Variants in UQCC1 observed in about 807,000 individuals in gnomAD.
UQCC1 encodes the protein ubiquinol-cytochrome c reductase complex assembly factor 1.
In UQCC1, 38 loss-of-function variants were observed where a neutral mutation model predicts 48.0. The observed-to-expected ratio is 0.79, with a 90% CI of 0.61 to 1.04. The LOEUF (loss-of-function observed/expected upper bound fraction) is 1.04. Among genes scored for constraint, UQCC1 ranks in the 50% least tolerant of loss-of-function variants. The pLI, the probability that UQCC1 is intolerant of heterozygous loss-of-function variation, is 0.00. For synonymous variants in UQCC1, 111 were observed against 129.2 expected (o/e 0.86, Z 0.95); for missense variants, 368 against 381.8 (o/e 0.96, Z 0.30).
intron 2 of UQCC1, among the ~76,000 whole-genome samples, chr20:35,388,959 G>A (rs756877331): frequency 5.1e-4 from 77 of 151,918 alleles, no homozygotes; most frequent in Non-Finnish European, 9.6e-4. Context: ...CCAGCTACTC[G>A]GGAGGCTGAG....
chr20:35,362,574 G>C (rs925129774), intron 6 of UQCC1, among the ~76,000 whole-genome samples: 11 of 152,042 alleles, frequency 7.2e-5, no homozygotes, highest in Non-Finnish European at 1.5e-4. Flanking sequence ...GGCCAAGCTG[G>C]TCTTGAACTC....
At chr20:35,402,822 T>C (rs1052496073) in intron 1 of UQCC1, among the ~76,000 whole-genome samples, 1 of 149,926 alleles carries the variant, frequency 6.7e-6, no homozygotes, top group Non-Finnish European at 1.5e-5. Context: ...CTCCAGTACT[T>C]TGGGAGGCCG....
rs142770442 is a variant in UQCC1 at position 35,411,955 on chromosome 20, C to T, written c.9G>A (p.Leu3=). Residue 3 remains leucine, a synonymous_variant, in exon 1 of 10, where the codon TTG becomes TTA. Transcript: ENST00000374385. ...CTTCACTCACAAGGACTCGCACCAG[C>T]AACGCCATGTTCCTCAATAACCATT... MA[L]LVRVLRNQTS... is the part of the protein sequence containing the mutation. 5.6e-6 allele frequency: 9 copies of T among 1,614,250 alleles called. No individual in the cohort carries two copies. The Admixed American group carries it at 1.5e-4, about 27-fold the overall frequency.
intron 1 of UQCC1, among the ~76,000 whole-genome samples, chr20:35,396,648 G>A (rs1443826627): frequency 6.6e-6 from 1 of 152,132 alleles, no homozygotes; most frequent in African/African-American, 2.4e-5. Context: ...GAGATTAAAT[G>A]GCTGTTCAAG....
At chr20:35,316,564 C>T (rs1401060352) in intron 7 of UQCC1, among the ~76,000 whole-genome samples, 1 of 152,186 alleles carries the variant, frequency 6.6e-6, no homozygotes, top group Non-Finnish European at 1.5e-5. Flanking sequence ...TGGATTTAGA[C>T]TCAGAAAACC....
At chr20:35,385,885 A>G (rs1287266896) in intron 2 of UQCC1, among the ~76,000 whole-genome samples, 1 of 151,216 alleles carries the variant, frequency 6.6e-6, no homozygotes, top group East Asian at 1.9e-4. Context: ...GCTCATAGCA[A>G]AACTTCCTGG....
chr20:35,342,235 T>C (rs185799937), intron 7 of UQCC1, among the ~76,000 whole-genome samples: 1 of 152,270 alleles, frequency 6.6e-6, no homozygotes, highest in Admixed American at 6.5e-5. Flanking sequence ...CCCACTCCCA[T>C]CCCTTCCCAT....
chr20:35,304,680 G>A (rs2060909351), intron 9 of UQCC1: 1 of 153,714 alleles, frequency 6.5e-6, no homozygotes, highest in Non-Finnish European at 1.4e-5. Context: ...TGGTCAGTGG[G>A]CCCCAGTATC....
At chr20:35,345,762 G>A (rs1293729693) in intron 7 of UQCC1, 1 of 152,098 alleles carries the variant, frequency 6.6e-6, no homozygotes. Context: ...TCTATTCTAT[G>A]AGCATATGTA....
intron 7 of UQCC1, among the ~76,000 whole-genome samples, chr20:35,326,969 C>T (rs2061201867): frequency 6.6e-6 from 1 of 152,162 alleles, no homozygotes; most frequent in African/African-American, 2.4e-5. Context: ...TGCTGAGGCC[C>T]TGAACAACCT....
intron 8 of UQCC1, among the ~76,000 whole-genome samples, chr20:35,313,805 A>AGAC (rs1296705135): frequency 6.6e-6 from 1 of 151,776 alleles, no homozygotes; most frequent in East Asian, 1.9e-4. Flanking sequence ...TCTGTAGTAG[A>AGAC]GACGGGGTTT....
At chr20:35,366,511 G>A in intron 6 of UQCC1, 46 bp downstream of exon 6, 3 of 1,567,932 alleles carry the variant, frequency 1.9e-6, no homozygotes, top group South Asian at 1.1e-5. Flanking sequence ...AGTCAGCAGT[G>A]TTTAAAAAAA....
rs1335776035 is a variant in UQCC1, at chr20:35,374,262, C to T, written c.334-6G>A. On this transcript the variant is annotated splice_polypyrimidine_tract_variant and splice_region_variant and intron_variant, in intron 4 of 9. Transcript: ENST00000374385. ...AGGGCCGCAATCTTAATCTTCTAGACAAAGAGAATAAAACCAAACTCAAGA... is the reference window on the plus strand; with the variant it reads ...AGGGCCGCAATCTTAATCTTCTAGATAAAGAGAATAAAACCAAACTCAAGA... 6.2e-7 allele frequency: 1 copy of T among 1,607,586 alleles called. No homozygotes were observed. Among genetic ancestry groups the T allele is most frequent in the Admixed American group, 1.7e-5 (1 of 58,664 alleles).
intron 5 of UQCC1, among the ~76,000 whole-genome samples, chr20:35,373,571 C>T (rs2061758711): frequency 6.6e-6 from 1 of 151,112 alleles, no homozygotes; most frequent in African/African-American, 2.4e-5. Flanking sequence ...CCCAGCTATT[C>T]GGGAGGCCGA....
intron 8 of UQCC1, among the ~76,000 whole-genome samples, chr20:35,313,374 TA>T (rs1182863735): frequency 2.9e-3 from 130 of 45,486 alleles, no homozygotes; most frequent in Middle Eastern, 0.017. Flanking sequence ...AGACTCTGTC[TA>T]AAAAAAAAAA....
chr20:35,404,369 CAA>C (rs74173950), intron 1 of UQCC1, among the ~76,000 whole-genome samples: 20,958 of 123,824 alleles, frequency 0.17, 3,113 homozygotes, highest in African/African-American at 0.39. Flanking sequence ...GACTCCGTCT[CAA>C]AAAAAAAAAA....
In UQCC1 at chr20:35,338,606, G is replaced by C. The variant is rs368970897; in HGVS notation, c.573+8558C>G. ...TCATGCCTGTAATCCCAGCACTTTG[G>C]GAGGCCGAGCGGGTGGATCACTTAA... On this transcript the variant is annotated intron_variant, in intron 7 of 9. Transcript: ENST00000374385. Among the ~76,000 whole-genome samples the C allele has an allele frequency of 7.2e-5, 11 of 151,794 alleles. No individual in the cohort carries two copies. The South Asian group carries it at 2.3e-3, about 32-fold the overall frequency.
intron 7 of UQCC1, among the ~76,000 whole-genome samples, chr20:35,332,942 A>T (rs902389417): frequency 6.6e-6 from 1 of 152,178 alleles, no homozygotes; most frequent in Non-Finnish European, 1.5e-5. Flanking sequence ...CCTTTGATGG[A>T]GCCAGGTACT....
chr20:35,384,470 A>G (rs547422493), intron 2 of UQCC1: 2 of 332,916 alleles, frequency 6.0e-6, no homozygotes, highest in South Asian at 5.0e-5. Context: ...GCAAGACTCT[A>G]TTTCTACAAA....
Sources: allele counts gnomAD v4.1 joint callset (sites outside exome capture counted in the v4.1 genomes callset), GRCh38; gene constraint gnomAD v4.1.1; transcripts MANE v1.5; gene names NCBI Gene and HGNC (gene_info 2026-07-23, HGNC 2026-07-21).